SIPA1: variants seen among roughly 807,000 people sequenced by gnomAD.
SIPA1 encodes signal-induced proliferation-associated 1.
SIPA1 carries 51 observed loss-of-function variants against 88.1 expected under a neutral mutation model. The ratio of observed to expected loss-of-function variants is 0.58; its 90% CI spans 0.46 to 0.73. The LOEUF (loss-of-function observed/expected upper bound fraction) is 0.73, where lower values mean the gene tolerates loss of function less well. Ranked by LOEUF, SIPA1 falls within the 30% of genes least tolerant of loss-of-function variation. The pLI is 0.00. For missense variants in SIPA1, 1,348 were observed against 1,467.6 expected (o/e 0.92, Z 1.33); for synonymous variants, 681 against 664.8 (o/e 1.02, Z -0.37).
In SIPA1 at chr11:65,649,384, T is replaced by C; in HGVS notation, c.2429T>C (p.Leu810Pro). Residue 810 changes from leucine to proline, a missense_variant, in exon 10 of 16, where the codon CTG becomes CCG. Physicochemically the swap from Leu to Pro is moderately conservative, Grantham distance 98. Transcript: ENST00000534313. The part of the protein sequence containing the change: ...LLPTTKQLLH[L>P]CLQDGGSPPG... ...CCCACCACAAAGCAGCTGCTGCACC[T>C]GTGCCTGCAAGATGGTGGCAGTCCT... 2 of 1,576,714 alleles carry C rather than the reference T, an allele frequency of 1.3e-6. No individual in the cohort carries two copies. The highest frequency in any genetic ancestry group is 1.7e-6 in the Non-Finnish European group (2 of 1,160,772).
chr11:65,640,890 G>T lies in SIPA1; in HGVS notation c.-32G>T, dbSNP rs1269869371. ...CCAAACACCCGTGCCCGCCAATGCG[G>T]CCCAGCCCCCGGAGAGTCAGGCCCA... On this transcript the variant is annotated 5_prime_UTR_variant, in exon 2 of 16. Coordinates refer to ENST00000534313, the MANE Select transcript of SIPA1 (RefSeq NM_006747.4). 2 of 1,455,336 alleles carry T rather than the reference G, an allele frequency of 1.4e-6. No homozygotes were observed. Among genetic ancestry groups the T allele is most frequent in the Admixed American group, 5.5e-5 (2 of 36,206 alleles). 90.2% of individuals were successfully genotyped at this position (1,455,336 alleles called of 1,614,324 possible).
At position 65,650,600 on chromosome 11, in the gene SIPA1, A is replaced by T; in HGVS notation, c.3014A>T (p.Glu1005Val). 1 of 1,589,532 alleles carries T rather than the reference A, an allele frequency of 6.3e-7. No individual in the cohort carries two copies. Among genetic ancestry groups the T allele is most frequent in the Non-Finnish European group, 8.6e-7 (1 of 1,167,810 alleles). ...EKADRAALEE[E>V]VRSLRHNNRR... ...GCGGACAGGGCGGCCCTGGAGGAGG[A>T]GGTGCGGAGCCTGAGACACAACAAC... The change falls in exon 16 of 16, where the codon GAG (glutamate) becomes GTG (valine). Residue 1005 changes from glutamate to valine, a missense_variant. Coordinates refer to ENST00000534313, the MANE Select transcript of SIPA1 (RefSeq NM_006747.4).
At chr11:65,644,067 T>A (rs1470200773) in intron 4 of SIPA1, among the ~76,000 whole-genome samples, 1 of 151,862 alleles carries the variant, frequency 6.6e-6, no homozygotes, top group African/African-American at 2.4e-5. Flanking sequence ...AGGGGTGAAG[T>A]GCTAGGATTT....
chr11:65,642,933 T>TTTATTTATTTA lies in SIPA1; in HGVS notation c.984+294_984+295insTTATTTATTTA. Among the ~76,000 whole-genome samples the TTTATTTATTTA allele has an allele frequency of 2.2e-5, 1 of 46,078 alleles. No individual in the cohort carries two copies. The highest frequency in any genetic ancestry group is 1.1e-4 in the African/African-American group (1 of 9,172). 30.2% of individuals were successfully genotyped at this position (46,078 alleles called of 152,430 possible). ...TATTTATTTATTTATTTATTTATTTTGAGATGGAGTCTCGCTCTGTCACCC... is the reference window on the plus strand; with the variant it reads ...TATTTATTTATTTATTTATTTATTTTTTATTTATTTAGAGATGGAGTCTCGCTCTGTCACCC... On this transcript the variant is annotated intron_variant, in intron 4 of 15. Transcript: ENST00000534313. This position sits in a 1 kb window ranked among gnomAD's most constrained non-coding sequence, Gnocchi z 6.5.
Position 65,649,829 on chromosome 11 carries a change from C to T in SIPA1, c.2710C>T (p.Pro904Ser), listed in dbSNP as rs1856223284. The change falls in exon 12 of 16, where the codon CCA becomes TCA. Residue 904 changes from proline (P) to serine (S), a missense_variant. Physicochemically the swap from Pro to Ser is moderately conservative, Grantham distance 74. Transcript: ENST00000534313. ...PAPELRASFL[P>S]RTLSLRNSIS... ...GCCGGAGCTGAGGGCCTCCTTTCTG[C>T]CACGTACCTTGTCTCTGCGGAACTC... The T allele has an allele frequency of 6.2e-7, 1 of 1,614,122 alleles. No homozygotes were observed. Among genetic ancestry groups the T allele is most frequent in the Admixed American group, 1.7e-5 (1 of 60,030 alleles).
rs1555003564 is a variant in SIPA1, at chr11:65,642,901, C to CTT, written c.984+264_984+265dup. On this transcript the variant is annotated intron_variant, in intron 4 of 15. Coordinates refer to ENST00000534313, the MANE Select transcript of SIPA1 (RefSeq NM_006747.4). This position sits in a 1 kb window ranked among gnomAD's most constrained non-coding sequence, Gnocchi z 6.5. Reference sequence around the variant, plus strand: ...CAGACCATCTGAATCAGAGTTTGCACTTTATTTATTTATTTATTTATTTAT... The same window carrying CTT: ...CAGACCATCTGAATCAGAGTTTGCACTTTTTATTTATTTATTTATTTATTTAT... 2.0e-5 allele frequency among the ~76,000 whole-genome samples: 3 copies of CTT among 146,962 alleles called. No homozygotes were observed. Among genetic ancestry groups the CTT allele is most frequent in the Non-Finnish European group, 4.5e-5 (3 of 66,904 alleles).
At chr11:65,648,506 T>C (rs989295859) in intron 9 of SIPA1, among the ~76,000 whole-genome samples, 5 of 152,320 alleles carry the variant, frequency 3.3e-5, no homozygotes, top group African/African-American at 9.6e-5. Flanking sequence ...TAACTTATCA[T>C]GAAATATTCT....
Position 65,646,620 on chromosome 11 carries a change from C to G in SIPA1, c.1586C>G (p.Thr529Arg). The change falls in exon 8 of 16, where the codon ACG becomes AGG. Residue 529 changes from threonine (T) to arginine (R), a missense_variant. Coordinates refer to ENST00000534313, the MANE Select transcript of SIPA1 (RefSeq NM_006747.4). The surrounding 1 kb of genome is among the most constrained non-coding windows in gnomAD (Gnocchi z 7.5). Reference sequence around the variant, plus strand: ...GCGCGCCAGTTCCACGCCATGGCCACGCGCACCCGCCAGCAGTACCTGCAA... The same window carrying G: ...GCGCGCCAGTTCCACGCCATGGCCAGGCGCACCCGCCAGCAGTACCTGCAA... ...GHARQFHAMA[T>R]RTRQQYLQDL... 1 of 1,543,578 alleles carries G rather than the reference C, an allele frequency of 6.5e-7. No individual in the cohort carries two copies. Among genetic ancestry groups the G allele is most frequent in the Non-Finnish European group, 8.7e-7 (1 of 1,148,654 alleles).
Position 65,650,489 on chromosome 11 carries a change from G to A in SIPA1, c.2982+10G>A. 2 of 1,614,078 alleles carry A rather than the reference G, an allele frequency of 1.2e-6. No homozygotes were observed. The highest frequency in any genetic ancestry group is 1.1e-5 in the South Asian group (1 of 91,078). ...GGAGGACCTGCAGAAGGTGAGGGGT[G>A]GGCTGAGCTTGGGGGGAGTCACAGG... On this transcript the variant is annotated intron_variant, in intron 15 of 15. Coordinates refer to ENST00000534313, the MANE Select transcript of SIPA1 (RefSeq NM_006747.4).
rs1482997330 is a variant in SIPA1, at chr11:65,650,482, G to A, written c.2982+3G>A. On this transcript the variant is annotated splice_donor_region_variant and intron_variant, in intron 15 of 15. Transcript: ENST00000534313. The stretch of plus-strand genomic sequence containing the variant: ...AGCTGCAGGAGGACCTGCAGAAGGT[G>A]AGGGGTGGGCTGAGCTTGGGGGGAG... The A allele has an allele frequency of 3.7e-6, 6 of 1,614,034 alleles. No individual in the cohort carries two copies. The highest frequency in any genetic ancestry group is 5.1e-6 in the Non-Finnish European group (6 of 1,180,024).
At position 65,650,764 on chromosome 11, in the gene SIPA1, CCCT is replaced by C. The variant is rs576536003; in HGVS notation, c.*54_*56del. 53 of 1,489,730 alleles carry C rather than the reference CCCT, an allele frequency of 3.6e-5. 1 individual carries two copies. Among genetic ancestry groups the C allele is most frequent in the African/African-American group, 2.8e-4 (20 of 71,812 alleles). 92.3% of individuals were successfully genotyped at this position (1,489,730 alleles called of 1,614,324 possible). On this transcript the variant is annotated 3_prime_UTR_variant, in exon 16 of 16. Transcript: ENST00000534313. The stretch of plus-strand genomic sequence containing the variant: ...CTGAGGGCACTGTGGTCACACTGGG[CCCT>C]CCTCAGGAACTCTCCCTGCGCAGAG...
In SIPA1 at chr11:65,649,654, T is replaced by G; in HGVS notation, c.2619T>G (p.Ser873Arg). The G allele has an allele frequency of 6.2e-7, 1 of 1,614,022 alleles. No individual in the cohort carries two copies. Among genetic ancestry groups the G allele is most frequent in the Non-Finnish European group, 8.5e-7 (1 of 1,180,030 alleles). ...TAKPSVPSAD[S>R]ETPLTQDRPG... ...AGCCATCAGTACCCAGTGCTGACAG[T>G]GAGACACCCCTGACCCAGGTGAGCA... The change falls in exon 11 of 16, where the codon AGT becomes AGG. Residue 873 changes from serine (S) to arginine (R), a missense_variant. Ser to Arg is a moderately radical substitution (Grantham distance 110, BLOSUM62 -1). Transcript: ENST00000534313.
intron 9 of SIPA1, among the ~76,000 whole-genome samples, chr11:65,648,306 T>C (rs1856178743): frequency 6.6e-6 from 1 of 152,094 alleles, no homozygotes; most frequent in African/African-American, 2.4e-5. Context: ...CTACACACTA[T>C]TGATAACTTC....
intron 14 of SIPA1, 38 bp from the exon 15 acceptor site, chr11:65,650,363 G>A (rs767244519): frequency 7.5e-6 from 12 of 1,605,596 alleles, no homozygotes; most frequent in Middle Eastern, 1.7e-4. Flanking sequence ...ACTGCCCCCT[G>A]CCTTGGTCCT....
intron 4 of SIPA1, among the ~76,000 whole-genome samples, chr11:65,644,648 G>C (rs1856072020): frequency 6.6e-6 from 1 of 151,894 alleles, no homozygotes; most frequent in African/African-American, 2.4e-5. Context: ...CTTGGATTCA[G>C]GGGTGCAGAG....
rs1421539432 is a variant in SIPA1 at position 65,640,838 on chromosome 11, A to G, written c.-84A>G. 1 of 1,255,458 alleles carries G rather than the reference A, an allele frequency of 8.0e-7. No individual in the cohort carries two copies. Among genetic ancestry groups the G allele is most frequent in the Non-Finnish European group, 1.1e-6 (1 of 943,402 alleles). The allele number at this position is 1,255,458 out of a possible 1,614,324, so 77.8% of individuals were successfully genotyped here. On this transcript the variant is annotated 5_prime_UTR_variant, in exon 2 of 16. Coordinates refer to ENST00000534313, the MANE Select transcript of SIPA1 (RefSeq NM_006747.4). ...AGCCCCCTCCTCCTTCAGGGCAGGA[A>G]CTGCTGCCACAACCTCAGGCTGGGC...
At position 65,646,100 on chromosome 11, in the gene SIPA1, C is replaced by A; in HGVS notation, c.1264-121C>A. The A allele has an allele frequency of 1.5e-6, 2 of 1,358,706 alleles. No homozygotes were observed. Among genetic ancestry groups the A allele is most frequent in the Non-Finnish European group, 1.0e-6 (1 of 973,170 alleles). The allele number at this position is 1,358,706 out of a possible 1,614,324, so 84.2% of individuals were successfully genotyped here. On this transcript the variant is annotated intron_variant, in intron 6 of 15. Coordinates refer to ENST00000534313, the MANE Select transcript of SIPA1 (RefSeq NM_006747.4). The surrounding 1 kb of genome is among the most constrained non-coding windows in gnomAD (Gnocchi z 7.5). Reference sequence around the variant, plus strand: ...TGGCCCCTTCCCAAAGACAGAAACACCCTAGGTCTTCACCAGGGGCAGTGG... The same window carrying A: ...TGGCCCCTTCCCAAAGACAGAAACAACCTAGGTCTTCACCAGGGGCAGTGG...
In SIPA1 at chr11:65,646,345, C is replaced by T. The variant is rs146280906; in HGVS notation, c.1388C>T (p.Ala463Val). The T allele has an allele frequency of 9.3e-6, 15 of 1,613,068 alleles. No homozygotes were observed. Among genetic ancestry groups the T allele is most frequent in the Middle Eastern group, 1.6e-4 (1 of 6,084 alleles). Residue 463 changes from alanine (A) to valine (V), a missense_variant, in exon 7 of 16, where the codon GCA (alanine) becomes GTA (valine). Transcript: ENST00000534313. The surrounding 1 kb of genome is among the most constrained non-coding windows in gnomAD (Gnocchi z 7.5). ...HFQHVFLVVRAHTPCTPHTTY... is the reference protein window; with the variant it reads ...HFQHVFLVVRVHTPCTPHTTY... ...CAGCACGTGTTCCTAGTGGTGCGGGCACACACACCCTGCACGCCACACACC... is the reference window on the plus strand; with the variant it reads ...CAGCACGTGTTCCTAGTGGTGCGGGTACACACACCCTGCACGCCACACACC...
chr11:65,645,924 G>A lies in SIPA1; in HGVS notation c.1230G>A (p.Thr410=), dbSNP rs1055582141. 19 of 1,613,268 alleles carry A rather than the reference G, an allele frequency of 1.2e-5. No individual in the cohort carries two copies. The highest frequency in any genetic ancestry group is 1.5e-5 in the Non-Finnish European group (18 of 1,179,586). The change falls in exon 6 of 16, where the codon ACG becomes ACA. Residue 410 remains threonine (T), a synonymous_variant. Transcript: ENST00000534313. Reference sequence around the variant, plus strand: ...ACGAGATCATGTTCCACGTGTCCACGATGCTGCCTTACACCCCTAATAACC... The same window carrying A: ...ACGAGATCATGTTCCACGTGTCCACAATGCTGCCTTACACCCCTAATAACC... ...QDHEIMFHVS[T]MLPYTPNNQQ...
Sources: allele counts gnomAD v4.1 joint callset (sites outside exome capture counted in the v4.1 genomes callset), GRCh38; gene constraint gnomAD v4.1.1; non-coding constraint Gnocchi (gnomAD v3.1); transcripts MANE v1.5; gene names NCBI Gene and HGNC (gene_info 2026-07-23, HGNC 2026-07-21).